ZFC3H1: variants seen among roughly 807,000 people sequenced by gnomAD.
The protein encoded by ZFC3H1 is zinc finger C3H1 domain-containing protein.
In ZFC3H1, 71 loss-of-function variants were observed where a neutral mutation model predicts 243.7. The ratio of observed to expected loss-of-function variants is 0.29; its 90% confidence interval spans 0.24 to 0.36. The LOEUF is 0.36. ZFC3H1 is among the 10% of genes least tolerant of loss of function. ZFC3H1 has a pLI of 1.00. For synonymous variants in ZFC3H1, 838 were observed against 813.0 expected (o/e 1.03, Z -0.52); for missense variants, 1,966 against 2,317.1 (o/e 0.85, Z 3.11).
chr12:71,654,870 A>G (rs1880978519), intron 2 of ZFC3H1, among the ~76,000 whole-genome samples: 1 of 152,216 alleles, frequency 6.6e-6, no homozygotes, highest in Non-Finnish European at 1.5e-5. Context: ...GGGAAATTAT[A>G]TAAAGAGAAA....
In ZFC3H1 at chr12:71,610,762, A is replaced by G; in HGVS notation, c.5770-5T>C. The G allele has an allele frequency of 6.2e-7, 1 of 1,612,362 alleles. No homozygotes were observed. Among genetic ancestry groups the G allele is most frequent in the Non-Finnish European group, 8.5e-7 (1 of 1,179,106 alleles). On this transcript the variant is annotated splice_region_variant and splice_polypyrimidine_tract_variant and intron_variant, in intron 33 of 34. Transcript: ENST00000378743. ...TCTCTGATATAAACGGTGGACCTGT[A>G]AGATAGATATACACACAATTCCATC...
intron 2 of ZFC3H1, among the ~76,000 whole-genome samples, chr12:71,651,708 G>C (rs1050318762): frequency 1.3e-5 from 2 of 152,206 alleles, no homozygotes; most frequent in Non-Finnish European, 2.9e-5. Context: ...TTATTGAAAA[G>C]AGGAAGAATA....
At chr12:71,635,650 C>T (rs1166053085) in intron 9 of ZFC3H1, 70 bp from the exon 10 acceptor site, 1 of 1,440,640 alleles carries the variant, frequency 6.9e-7, no homozygotes, top group Admixed American at 2.8e-5. Context: ...AATTTCAATC[C>T]ACAAAAATAA....
intron 24 of ZFC3H1, among the ~76,000 whole-genome samples, chr12:71,622,764 T>C (rs1265545165): frequency 6.6e-6 from 1 of 152,194 alleles, no homozygotes. Context: ...CCGGCCCTAG[T>C]CTCTTTTACG....
At chr12:71,612,435 G>C in intron 31 of ZFC3H1, among the ~76,000 whole-genome samples, 1 of 152,022 alleles carries the variant, frequency 6.6e-6, no homozygotes, top group Non-Finnish European at 1.5e-5. Context: ...AGAAAATCAT[G>C]TCAAAATATG....
chr12:71,623,732 T>C, intron 23 of ZFC3H1, 135 bp from the exon 24 acceptor site: 1 of 658,166 alleles, frequency 1.5e-6, no homozygotes, highest in Non-Finnish European at 2.4e-6. Flanking sequence ...GTCCTGATAC[T>C]TAAAATCTAA....
chr12:71,663,495 C>A lies in ZFC3H1; in HGVS notation c.116G>T (p.Arg39Leu). ...DDDNNSQIRS[R>L]SSSSSSGGGL... ...GCCGCCGCTGCTGCTGCTGCTGCTC[C>A]GACTCCGTATCTGGCTGTTATTATC... The change falls in exon 1 of 35, where the codon CGG (arginine) becomes CTG (leucine). Residue 39 changes from arginine (R) to leucine (L), a missense_variant. By Grantham distance (102) the Arg-to-Leu change is moderately radical. Around this residue, in one of 4 missense-constraint regions of ZFC3H1, gnomAD observed 484 missense variants for 449.7 expected, o/e 1.08. Coordinates refer to ENST00000378743, the MANE Select transcript of ZFC3H1 (RefSeq NM_144982.5). 6.2e-7 allele frequency: 1 copy of A among 1,613,382 alleles called. No homozygotes were observed. Among genetic ancestry groups the A allele is most frequent in the Non-Finnish European group, 8.5e-7 (1 of 1,180,044 alleles).
In ZFC3H1 at chr12:71,630,736, A is replaced by G; in HGVS notation, c.3603-15T>C. 1 of 1,604,688 alleles carries G rather than the reference A, an allele frequency of 6.2e-7. No homozygotes were observed. Among genetic ancestry groups the G allele is most frequent in the Non-Finnish European group, 8.5e-7 (1 of 1,177,400 alleles). ...GTATATGCTGCCTAAGATAAAAAAAAACACAGAAAAGATAATCATGTACAT... is the reference window on the plus strand; with the variant it reads ...GTATATGCTGCCTAAGATAAAAAAAGACACAGAAAAGATAATCATGTACAT... On this transcript the variant is annotated splice_polypyrimidine_tract_variant and intron_variant, in intron 17 of 34. Coordinates refer to ENST00000378743, the MANE Select transcript of ZFC3H1 (RefSeq NM_144982.5).
chr12:71,656,621 T>C, intron 2 of ZFC3H1: 2 of 609,858 alleles, frequency 3.3e-6, no homozygotes, highest in South Asian at 4.1e-5. Flanking sequence ...TTCTTTAAAT[T>C]AGGAAACAAA....
intron 2 of ZFC3H1, 189 bp downstream of exon 2, chr12:71,656,692 AAAAT>A (rs904030492): frequency 3.5e-4 from 220 of 634,228 alleles, no homozygotes; most frequent in South Asian, 9.6e-4. Context: ...TGTCAGGCAA[AAAAT>A]AAATAAATAA....
rs1400239389 is a variant in ZFC3H1, at chr12:71,626,382, CTT to C, written c.4193_4194del (p.Lys1398ArgfsTer27). Reference protein sequence around the residue: ...NVLARALENNKDNPEIWCHYL... With the variant: ...NVLARALENNXDNPEIWCHYL... ...TAATGGCACCAAATTTCTGGATTGT[CTT>C]TGTTATTTTCCAATGCTCGCGCCAG... is the stretch of plus-strand genomic sequence containing the variant. On this transcript the variant is annotated frameshift_variant, in exon 22 of 35. Transcript: ENST00000378743. LOFTEE classifies it high-confidence loss of function. 6.2e-7 allele frequency: 1 copy of C among 1,613,840 alleles called. No homozygotes were observed. Among genetic ancestry groups the C allele is most frequent in the Non-Finnish European group, 8.5e-7 (1 of 1,179,968 alleles).
At chr12:71,638,632 A>AG in intron 6 of ZFC3H1, 117 bp from the exon 7 acceptor site, 7 of 808,052 alleles carry the variant, frequency 8.7e-6, no homozygotes, top group Non-Finnish European at 1.3e-5. Context: ...AGATTTTATC[A>AG]ACCTCTGATA....
chr12:71,636,957 C>G lies in ZFC3H1; in HGVS notation c.1828G>C (p.Glu610Gln). ...PLPPLPPEDP[E>Q]QPPKPPFADE... Reference sequence around the variant, plus strand: ...GCAAAAGGTGGTTTTGGAGGCTGTTCTGGATCTTCAGGTGGGAGAGGTGGT... The same window carrying G: ...GCAAAAGGTGGTTTTGGAGGCTGTTGTGGATCTTCAGGTGGGAGAGGTGGT... The change falls in exon 8 of 35, where the codon GAA becomes CAA. Residue 610 changes from glutamate to glutamine, a missense_variant. By Grantham distance (29) the Glu-to-Gln change is conservative. Around this residue, in one of 4 missense-constraint regions of ZFC3H1, gnomAD observed 1,383 missense variants for 1,723.7 expected, o/e 0.80. Coordinates refer to ENST00000378743, the MANE Select transcript of ZFC3H1 (RefSeq NM_144982.5). 6.2e-7 allele frequency: 1 copy of G among 1,613,980 alleles called. No individual in the cohort carries two copies. The highest frequency in any genetic ancestry group is 1.1e-5 in the South Asian group (1 of 91,074).
chr12:71,646,425 A>G (rs2137550654), intron 3 of ZFC3H1, among the ~76,000 whole-genome samples: 1 of 152,340 alleles, frequency 6.6e-6, no homozygotes, highest in South Asian at 2.1e-4. Flanking sequence ...TTTGTACCTA[A>G]GCCACACTAA....
chr12:71,651,945 G>A (rs1429967310), intron 2 of ZFC3H1, among the ~76,000 whole-genome samples: 2 of 152,194 alleles, frequency 1.3e-5, no homozygotes, highest in African/African-American at 4.8e-5. Flanking sequence ...AAGAACTGAA[G>A]TGAAAACTGA....
chr12:71,627,383 TCCA>T (rs1489348378), intron 21 of ZFC3H1, among the ~76,000 whole-genome samples: 1 of 152,178 alleles, frequency 6.6e-6, no homozygotes, highest in Non-Finnish European at 1.5e-5. Flanking sequence ...TTTAACCTGT[TCCA>T]CCATTATTTT....
intron 22 of ZFC3H1, among the ~76,000 whole-genome samples, chr12:71,625,818 T>C (rs1405691269): frequency 6.6e-6 from 1 of 152,216 alleles, no homozygotes. Flanking sequence ...GGATTATTTC[T>C]ATAAGCAATG....
intron 14 of ZFC3H1, 99 bp from the exon 15 acceptor site, chr12:71,632,613 T>C: frequency 1.5e-6 from 2 of 1,377,020 alleles, no homozygotes; most frequent in Non-Finnish European, 1.9e-6. Context: ...AATGCCAACA[T>C]TATAAAACTA....
chr12:71,623,794 ATATAGATTAT>A (rs1382913351), intron 23 of ZFC3H1, among the ~76,000 whole-genome samples, 197 bp from the exon 24 acceptor site: 1 of 152,208 alleles, frequency 6.6e-6, no homozygotes, highest in Non-Finnish European at 1.5e-5. Context: ...AACCACACCC[ATATAGATTAT>A]TTTCATCAGA....
Sources: allele counts gnomAD v4.1 joint callset (sites outside exome capture counted in the v4.1 genomes callset), GRCh38; gene constraint gnomAD v4.1.1; regional missense constraint gnomAD v4.1.1; transcripts MANE v1.5; gene names NCBI Gene and HGNC (gene_info 2026-07-23, HGNC 2026-07-21).